CTNNA3: variants seen among roughly 807,000 people sequenced by gnomAD.
CTNNA3 encodes catenin alpha-3.
Under a neutral mutation model 95.7 loss-of-function variants are expected in CTNNA3, and 76 were observed. That is an observed-to-expected ratio of 0.79 (90% CI 0.66 to 0.96). The LOEUF is 0.96. Among genes scored for constraint, CTNNA3 ranks in the 40% least tolerant of loss-of-function variants. The pLI, the probability that CTNNA3 is intolerant of heterozygous loss-of-function variation, is 0.00. For missense variants in CTNNA3, 1,191 were observed against 1,089.8 expected (o/e 1.09, Z -1.31); for synonymous variants, 431 against 374.4 (o/e 1.15, Z -1.74).
rs140662232 is a variant in CTNNA3, at chr10:66,203,297, T to G, written c.1884+77173A>C. Among the ~76,000 whole-genome samples the G allele has an allele frequency of 5.1e-3, 776 of 152,312 alleles. 5 individuals carry two copies. The highest frequency in any genetic ancestry group is 0.017 in the African/African-American group (711 of 41,576). On this transcript the variant is annotated intron_variant, in intron 13 of 17. Coordinates refer to ENST00000433211, the MANE Select transcript of CTNNA3 (RefSeq NM_013266.4). ...AGAACAATATAAAGACTAAATGAAT[T>G]TCATTATAAAATGAGCAAGATTGTA...
At chr10:67,108,434 T>G (rs928214084) in intron 7 of CTNNA3, among the ~76,000 whole-genome samples, 6 of 152,126 alleles carry the variant, frequency 3.9e-5, no homozygotes, top group Non-Finnish European at 8.8e-5. Flanking sequence ...TATTTTATAC[T>G]ATATAATGAT....
At chr10:67,648,504 G>T (rs898370921) in intron 1 of CTNNA3, among the ~76,000 whole-genome samples, 5 of 152,116 alleles carry the variant, frequency 3.3e-5, no homozygotes, top group Non-Finnish European at 5.9e-5. Flanking sequence ...CTTCAAACCT[G>T]CCAAGTGTGT....
chr10:66,591,046 A>G (rs1448181412), intron 10 of CTNNA3, among the ~76,000 whole-genome samples: 2 of 152,130 alleles, frequency 1.3e-5, no homozygotes, highest in African/African-American at 4.8e-5. Flanking sequence ...TCAAAACAAC[A>G]GTTTTGTCCC....
At chr10:67,373,679 C>CAG (rs1843574944) in intron 5 of CTNNA3, among the ~76,000 whole-genome samples, 1 of 152,104 alleles carries the variant, frequency 6.6e-6, no homozygotes, top group Non-Finnish European at 1.5e-5. Flanking sequence ...AAGCAAGCTA[C>CAG]AGAGGAGTTG....
At chr10:67,071,155 C>A (rs1225758430) in intron 7 of CTNNA3, among the ~76,000 whole-genome samples, 2 of 152,080 alleles carry the variant, frequency 1.3e-5, no homozygotes, top group Non-Finnish European at 2.9e-5. Flanking sequence ...CAATATAGTT[C>A]ACATTCATTT....
chr10:67,427,469 C>G lies in CTNNA3; in HGVS notation c.579+94373G>C, dbSNP rs545753182. On this transcript the variant is annotated intron_variant, in intron 5 of 17. Coordinates refer to ENST00000433211, the MANE Select transcript of CTNNA3 (RefSeq NM_013266.4). ...ATTCTTGCCTTAAACAAAATTATGT[C>G]ATGTTTTGGCCCCTTCTCTTTGTAA... 3.9e-5 allele frequency among the ~76,000 whole-genome samples: 6 copies of G among 152,050 alleles called. No homozygotes were observed. The South Asian group carries it at 1.2e-3, about 32-fold the overall frequency.
intron 5 of CTNNA3, among the ~76,000 whole-genome samples, chr10:67,332,635 C>G (rs1018040057): frequency 1.3e-5 from 2 of 151,698 alleles, no homozygotes; most frequent in Admixed American, 6.6e-5. Context: ...TAAGCTTCCT[C>G]AAGATCTACT....
At chr10:67,482,221 T>C (rs1848262028) in intron 5 of CTNNA3, among the ~76,000 whole-genome samples, 1 of 151,576 alleles carries the variant, frequency 6.6e-6, no homozygotes, top group Non-Finnish European at 1.5e-5. Flanking sequence ...AGGATTGACT[T>C]GGCGATGCGG....
intron 7 of CTNNA3, among the ~76,000 whole-genome samples, chr10:66,907,443 TTC>T (rs1213922066): frequency 1.3e-5 from 2 of 152,200 alleles, no homozygotes; most frequent in Non-Finnish European, 2.9e-5. Flanking sequence ...AAATAAATAC[TTC>T]TTTTTCTCCT....
chr10:66,583,860 A>T (rs1270612008), intron 10 of CTNNA3, among the ~76,000 whole-genome samples: 4 of 151,810 alleles, frequency 2.6e-5, no homozygotes, highest in African/African-American at 4.8e-5. Flanking sequence ...TGTATCCCAG[A>T]GGTTTTGATA....
chr10:67,673,940 T>C (rs1033456753), intron 1 of CTNNA3, among the ~76,000 whole-genome samples: 1 of 151,498 alleles, frequency 6.6e-6, no homozygotes, highest in Non-Finnish European at 1.5e-5. Context: ...ATATTTTGTG[T>C]CCATATCACT....
chr10:67,178,290 A>T (rs1200064484), intron 7 of CTNNA3, among the ~76,000 whole-genome samples: 3 of 152,128 alleles, frequency 2.0e-5, no homozygotes, highest in African/African-American at 7.2e-5. Flanking sequence ...ATTAAATAGC[A>T]AATAAAAATA....
At chr10:66,355,952 G>T (rs1206532503) in intron 12 of CTNNA3, among the ~76,000 whole-genome samples, 1 of 151,078 alleles carries the variant, frequency 6.6e-6, no homozygotes, top group Non-Finnish European at 1.5e-5. Context: ...TTTCTCCACT[G>T]AATTATCTTG....
chr10:67,653,604 C>T lies in CTNNA3; in HGVS notation c.-5-6086G>A, dbSNP rs142011946. Reference sequence around the variant, plus strand: ...TTCTTTCTTCATGTTTAATTTATCACATTCCTTTTATGTCATATATAGTCC... The same window carrying T: ...TTCTTTCTTCATGTTTAATTTATCATATTCCTTTTATGTCATATATAGTCC... On this transcript the variant is annotated intron_variant, in intron 1 of 17. Transcript: ENST00000433211. Among the ~76,000 whole-genome samples, 35 of 152,256 alleles carry T rather than the reference C, an allele frequency of 2.3e-4. 2 individuals carry two copies. In the East Asian group the frequency reaches 6.6e-3, roughly 29 times the overall value.
intron 9 of CTNNA3, among the ~76,000 whole-genome samples, chr10:66,685,188 T>TAC (rs1226955790): frequency 9.6e-6 from 1 of 104,166 alleles, no homozygotes; most frequent in Non-Finnish European, 1.9e-5. Context: ...CATATATATA[T>TAC]ACGTGTATAT....
intron 10 of CTNNA3, among the ~76,000 whole-genome samples, chr10:66,614,191 G>A (rs1379711998): frequency 5.3e-5 from 8 of 151,994 alleles, no homozygotes; most frequent in Non-Finnish European, 1.0e-4. Flanking sequence ...TACTTCAACA[G>A]ACAAAGTGTC....
At chr10:67,735,146 A>ACACACACAC (rs1564843090) in intron 1 of CTNNA3, among the ~76,000 whole-genome samples, 8 of 85,836 alleles carry the variant, frequency 9.3e-5, no homozygotes, top group African/African-American at 1.8e-4. Context: ...CACACACACA[A>ACACACACAC]ACACACACAC....
chr10:67,704,789 A>C (rs914309424), intron 1 of CTNNA3, among the ~76,000 whole-genome samples: 8 of 152,326 alleles, frequency 5.3e-5, no homozygotes, highest in Admixed American at 4.6e-4. Context: ...GATCTAATTA[A>C]ACTCAAGAGC....
intron 1 of CTNNA3, chr10:67,750,264 G>A (rs969169374): frequency 6.6e-7 from 1 of 1,509,032 alleles, no homozygotes; most frequent in Non-Finnish European, 9.2e-7. Context: ...TGCTCACTCA[G>A]AATCATTTCT....
Sources: allele counts gnomAD v4.1 joint callset (sites outside exome capture counted in the v4.1 genomes callset), GRCh38; gene constraint gnomAD v4.1.1; transcripts MANE v1.5; gene names NCBI Gene and HGNC (gene_info 2026-07-23, HGNC 2026-07-21).